RBFOX1: variants seen among roughly 807,000 people sequenced by gnomAD.
The protein encoded by RBFOX1 is RNA binding fox-1 homolog 1.
A neutral mutation model predicts 57.7 loss-of-function variants in RBFOX1; 8 were observed. The ratio of observed to expected loss-of-function variants is 0.14; its 90% confidence interval spans 0.08 to 0.25. The LOEUF (loss-of-function observed/expected upper bound fraction) is 0.25. RBFOX1 is among the 10% of genes least tolerant of loss of function. RBFOX1 has a pLI of 1.00. For missense variants in RBFOX1, 611 were observed against 548.5 expected, an observed-to-expected ratio of 1.11 and a Z score of -1.14; for synonymous variants, 326 against 222.4, an observed-to-expected ratio of 1.47 and a Z score of -4.15.
chr16:6,855,676 T>A (rs1261591703), intron 3 of RBFOX1, among the ~76,000 whole-genome samples: 2 of 151,844 alleles, frequency 1.3e-5, no homozygotes, highest in East Asian at 3.9e-4. Flanking sequence ...AAAGATCTTT[T>A]AACTCTGGAG....
At chr16:5,306,998 G>C (rs1475219809) in intron 1 of RBFOX1, among the ~76,000 whole-genome samples, 1 of 152,096 alleles carries the variant, frequency 6.6e-6, no homozygotes, top group Non-Finnish European at 1.5e-5. Context: ...GGCAATCTTT[G>C]CTGGCTGGTT....
At position 7,317,768 on chromosome 16, in the gene RBFOX1, A is replaced by G. The variant is rs111242529; in HGVS notation, c.28-200379A>G. Among the ~76,000 whole-genome samples, 1,240 of 152,324 alleles carry G rather than the reference A, an allele frequency of 8.1e-3. 9 individuals are homozygous for G. Among genetic ancestry groups the G allele is most frequent in the Middle Eastern group, 0.017 (5 of 294 alleles). ...AAATTACAAATCTTATGGGCCTCCAACTAGCTCTATGGGCATGTTTCTCGA... is the reference window on the plus strand; with the variant it reads ...AAATTACAAATCTTATGGGCCTCCAGCTAGCTCTATGGGCATGTTTCTCGA... On this transcript the variant is annotated intron_variant, in intron 4 of 15. Coordinates refer to ENST00000550418, the MANE Select transcript of RBFOX1 (RefSeq NM_018723.4).
chr16:6,823,575 A>G (rs2091680048), intron 3 of RBFOX1, among the ~76,000 whole-genome samples: 1 of 152,032 alleles, frequency 6.6e-6, no homozygotes, highest in Admixed American at 6.6e-5. Context: ...AAATTCTTAT[A>G]AGGGAGTATA....
At chr16:7,020,809 G>T (rs191375628) in intron 3 of RBFOX1, among the ~76,000 whole-genome samples, 3 of 152,146 alleles carry the variant, frequency 2.0e-5, no homozygotes, top group African/African-American at 7.2e-5. Flanking sequence ...CCACCACCCT[G>T]ACCGGCTTAA....
intron 3 of RBFOX1, among the ~76,000 whole-genome samples, chr16:5,797,502 C>T (rs563106840): frequency 5.1e-4 from 78 of 152,288 alleles, no homozygotes; most frequent in Middle Eastern, 6.8e-3. Context: ...GATGGCTCCC[C>T]AGAGTGACTC....
intron 3 of RBFOX1, among the ~76,000 whole-genome samples, chr16:6,780,211 A>ATATATTTT (rs1555460821): frequency 0.1 from 4,713 of 45,266 alleles, 808 homozygotes; most frequent in East Asian, 0.28. Context: ...TTATATATTT[A>ATATATTTT]TATATATTTA....
At position 6,256,175 on chromosome 16, in the gene RBFOX1, A is replaced by G. The variant is rs796902220; in HGVS notation, c.-126-60820A>G. On this transcript the variant is annotated intron_variant, in intron 1 of 15. Transcript: ENST00000550418. ...TATATATATGTATATATATATGTATATATATATATACGTATATATATGTAT... is the reference window on the plus strand; with the variant it reads ...TATATATATGTATATATATATGTATGTATATATATACGTATATATATGTAT... Among the ~76,000 whole-genome samples the G allele has an allele frequency of 4.2e-4, 12 of 28,318 alleles. 4 individuals are homozygous for G. The highest frequency in any genetic ancestry group is 7.2e-4 in the Non-Finnish European group (9 of 12,444). 18.6% of individuals were successfully genotyped at this position (28,318 alleles called of 152,430 possible). A position where few individuals can be genotyped will look rare whatever the true frequency, so the allele number is the denominator to read the frequency against.
chr16:6,611,792 C>T lies in RBFOX1; in HGVS notation c.-63-42811C>T, dbSNP rs1299636136. On this transcript the variant is annotated intron_variant, in intron 2 of 15. Transcript: ENST00000550418. ...CATCTTCCCCTTCTCTCTCTGCTTC[C>T]CAAGGCACCCTGAGTCCTCCCTCAG... is the stretch of plus-strand genomic sequence containing the variant. Among the ~76,000 whole-genome samples the T allele has an allele frequency of 3.9e-5, 6 of 152,082 alleles. No homozygotes were observed. In the East Asian group the frequency reaches 1.2e-3, roughly 29 times the overall value.
chr16:6,642,571 C>T (rs1183511303), intron 2 of RBFOX1, among the ~76,000 whole-genome samples: 1 of 151,830 alleles, frequency 6.6e-6, no homozygotes, highest in Non-Finnish European at 1.5e-5. Flanking sequence ...ATATGGAAGC[C>T]TCTTGTCCTC....
At chr16:6,848,078 C>A (rs528801712) in intron 3 of RBFOX1, among the ~76,000 whole-genome samples, 12 of 152,164 alleles carry the variant, frequency 7.9e-5, no homozygotes, top group Non-Finnish European at 1.5e-4. Flanking sequence ...GTGATCCACC[C>A]ACCTTGGCCT....
At chr16:7,685,860 C>T (rs377716828) in intron 14 of RBFOX1, among the ~76,000 whole-genome samples, 1 of 151,970 alleles carries the variant, frequency 6.6e-6, no homozygotes, top group Admixed American at 6.6e-5. Flanking sequence ...ATTGGACCTA[C>T]TCTGATATAG....
At chr16:6,443,414 G>T (rs2094426157) in intron 2 of RBFOX1, among the ~76,000 whole-genome samples, 2 of 152,106 alleles carry the variant, frequency 1.3e-5, no homozygotes. Context: ...TCCTGGCCAA[G>T]CATGCCTTGT....
intron 4 of RBFOX1, among the ~76,000 whole-genome samples, chr16:7,130,842 T>G (rs931586641): frequency 6.6e-6 from 1 of 152,144 alleles, no homozygotes; most frequent in Non-Finnish European, 1.5e-5. Flanking sequence ...ATCTCATTCA[T>G]AATCTATCAG....
chr16:6,818,551 T>A (rs1384361604), intron 3 of RBFOX1, among the ~76,000 whole-genome samples: 1 of 152,366 alleles, frequency 6.6e-6, no homozygotes, highest in South Asian at 2.1e-4. Context: ...ATTTAAACTC[T>A]AGTTCCCTTT....
At chr16:7,479,194 G>A (rs1418005768) in intron 4 of RBFOX1, among the ~76,000 whole-genome samples, 1 of 151,718 alleles carries the variant, frequency 6.6e-6, no homozygotes, top group African/African-American at 2.4e-5. Context: ...TGTGATCTCG[G>A]CTCAGTGCAA....
At chr16:5,909,218 G>A (rs1451119683) in intron 4 of RBFOX1, among the ~76,000 whole-genome samples, 4 of 147,880 alleles carry the variant, frequency 2.7e-5, no homozygotes, top group African/African-American at 7.5e-5. Context: ...TCAGCCTCCC[G>A]AGTAGCTGGG....
chr16:5,863,229 G>T (rs551250509), intron 3 of RBFOX1, among the ~76,000 whole-genome samples: 3 of 152,314 alleles, frequency 2.0e-5, no homozygotes, highest in East Asian at 3.9e-4. Flanking sequence ...CAGAGAAACC[G>T]AAGGAGAGGA....
At chr16:6,888,416 A>G (rs1466291970) in intron 3 of RBFOX1, among the ~76,000 whole-genome samples, 1 of 152,134 alleles carries the variant, frequency 6.6e-6, no homozygotes. Flanking sequence ...TGATGTCAAC[A>G]CTTAGAAAGC....
At chr16:6,975,513 T>C (rs555028439) in intron 3 of RBFOX1, among the ~76,000 whole-genome samples, 58 of 152,152 alleles carry the variant, frequency 3.8e-4, no homozygotes, top group African/African-American at 1.3e-3. Flanking sequence ...GTGATCTGCC[T>C]ACCTTGGCCT....
Sources: gnomAD v4.1 joint callset for allele counts (sites outside exome capture counted in the v4.1 genomes callset) on GRCh38, gnomAD v4.1.1 for gene constraint, MANE v1.5 for transcripts, NCBI Gene and HGNC (gene_info 2026-07-23, HGNC 2026-07-21) for gene names.